The following ABHD1 variants were observed in gnomAD, a reference collection of about 807,000 sequenced individuals.
The protein encoded by ABHD1 is protein ABHD1.
Under a neutral mutation model 41.4 loss-of-function variants are expected in ABHD1, and 47 were observed. That is an observed-to-expected ratio of 1.13 (90% CI 0.90 to 1.45). The LOEUF (loss-of-function observed/expected upper bound fraction) is 1.45, where lower values mean the gene tolerates loss of function less well. ABHD1 is among the 40% of genes most tolerant of loss of function. The probability of loss-of-function intolerance (pLI) is 0.00; values close to 1 mark genes in which losing one functional copy is unlikely to be tolerated. For missense variants in ABHD1, 550 were observed against 503.4 expected (o/e 1.09, Z -0.89); for synonymous variants, 205 against 203.7 (o/e 1.01, Z -0.05).
intron 1 of ABHD1, among the ~76,000 whole-genome samples, chr2:27,127,612 A>G (rs2148411271): frequency 6.8e-6 from 1 of 146,062 alleles, no homozygotes; most frequent in South Asian, 2.3e-4. Context: ...ACCAGGCTGG[A>G]GTGCAGTGGC....
chr2:27,130,772 ACT>A lies in ABHD1; in HGVS notation c.*31_*32del. 1 of 1,601,236 alleles carries A rather than the reference ACT, an allele frequency of 6.2e-7. No homozygotes were observed. Among genetic ancestry groups the A allele is most frequent in the Non-Finnish European group, 8.6e-7 (1 of 1,169,102 alleles). On this transcript the variant is annotated 3_prime_UTR_variant, in exon 9 of 9. Coordinates refer to ENST00000316470, the MANE Select transcript of ABHD1 (RefSeq NM_032604.4). ...AGAGTACCATTTGGGGTCTCAGTTC[ACT>A]CTTTCCTTGTTTATTAAATATCAAC...
In ABHD1 at chr2:27,129,342, G is replaced by A. The variant is rs1453214760; in HGVS notation, c.485G>A (p.Cys162Tyr). 1 of 1,614,194 alleles carries A rather than the reference G, an allele frequency of 6.2e-7. No homozygotes were observed. The highest frequency in any genetic ancestry group is 1.1e-5 in the South Asian group (1 of 91,080). Residue 162 changes from cysteine (C) to tyrosine (Y), a missense_variant, in exon 4 of 9, where the codon TGC becomes TAC. Cys to Tyr is a radical substitution (Grantham distance 194). Transcript: ENST00000316470. ...GCTGTCGTGTTTAACAACCGGGGCT[G>A]CCGTGGGGAGGAACTGCGGGTGAGT... Reference protein sequence around the residue: ...YQAVVFNNRGCRGEELRTHRA... With the variant: ...YQAVVFNNRGYRGEELRTHRA...
intron 1 of ABHD1, among the ~76,000 whole-genome samples, chr2:27,127,922 C>T (rs1340804223): frequency 6.6e-6 from 1 of 152,148 alleles, no homozygotes; most frequent in Non-Finnish European, 1.5e-5. Flanking sequence ...TCTTCAGCCC[C>T]TGCCCAGAAC....
Position 27,130,235 on chromosome 2 carries a change from A to G in ABHD1, c.841-16A>G, listed in dbSNP as rs756182874. On this transcript the variant is annotated splice_polypyrimidine_tract_variant and intron_variant, in intron 7 of 8. Coordinates refer to ENST00000316470, the MANE Select transcript of ABHD1 (RefSeq NM_032604.4). ...ATTCTTTATCATCTTAGCCTATCCT[A>G]TGGTAAGACCTGCAGGCCCGTACAA... 66 of 1,614,166 alleles carry G rather than the reference A, an allele frequency of 4.1e-5. No homozygotes were observed. Among genetic ancestry groups the G allele is most frequent in the Non-Finnish European group, 5.4e-5 (64 of 1,180,034 alleles).
chr2:27,128,017 T>G (rs954074839), intron 1 of ABHD1, among the ~76,000 whole-genome samples: 1 of 152,066 alleles, frequency 6.6e-6, no homozygotes, highest in African/African-American at 2.4e-5. Flanking sequence ...GGTGCTATCA[T>G]AGCTCACTGC....
intron 1 of ABHD1, among the ~76,000 whole-genome samples, chr2:27,127,546 T>G (rs1260017763): frequency 2.5e-5 from 2 of 78,926 alleles, no homozygotes; most frequent in African/African-American, 1.1e-4. Context: ...AGAGCGAGAC[T>G]CTGTCTCAAA....
In ABHD1 at chr2:27,129,200, T is replaced by C. The variant is rs946127954; in HGVS notation, c.458+73T>C. 5.0e-6 allele frequency: 8 copies of C among 1,591,802 alleles called. No individual in the cohort carries two copies. The South Asian group carries it at 5.6e-5, about 11-fold the overall frequency. ...ATTAGGGAGAAGTCAATCCGGACAC[T>C]GATAGATAAGAAGAATGCTACACAA... On this transcript the variant is annotated intron_variant, in intron 3 of 8. Coordinates refer to ENST00000316470, the MANE Select transcript of ABHD1 (RefSeq NM_032604.4).
chr2:27,130,632 A>G lies in ABHD1; in HGVS notation c.1106A>G (p.Gln369Arg). Residue 369 changes from glutamine (Q) to arginine (R), a missense_variant, in exon 9 of 9, where the codon CAG (glutamine) becomes CGG (arginine). Coordinates refer to ENST00000316470, the MANE Select transcript of ABHD1 (RefSeq NM_032604.4). Reference sequence around the variant, plus strand: ...TTCCTGGAAGGGCTGCTCCCGTGGCAGCACTGGTACATGAGCCGCCTCTTG... The same window carrying G: ...TTCCTGGAAGGGCTGCTCCCGTGGCGGCACTGGTACATGAGCCGCCTCTTG... The part of the protein sequence containing the change: ...IGFLEGLLPW[Q>R]HWYMSRLLHQ... 1 of 1,614,186 alleles carries G rather than the reference A, an allele frequency of 6.2e-7. No homozygotes were observed. Among genetic ancestry groups the G allele is most frequent in the Non-Finnish European group, 8.5e-7 (1 of 1,180,024 alleles).
In ABHD1 at chr2:27,129,926, C is replaced by G. The variant is rs141714250; in HGVS notation, c.790C>G (p.Arg264Gly). The G allele has an allele frequency of 6.2e-7, 1 of 1,613,930 alleles. No individual in the cohort carries two copies. The highest frequency in any genetic ancestry group is 8.5e-7 in the Non-Finnish European group (1 of 1,179,994). The change falls in exon 6 of 9, where the codon CGA becomes GGA. Residue 264 changes from arginine to glycine, a missense_variant and splice_region_variant. Transcript: ENST00000316470. The part of the protein sequence containing the change: ...LTAGLCQLVE[R>G]NRKVIEKVVD... ...TGCTGGGCTCTGCCAACTTGTGGAACGGTAGGGTCGTGGCAAGTGGGAGGA... is the reference window on the plus strand; with the variant it reads ...TGCTGGGCTCTGCCAACTTGTGGAAGGGTAGGGTCGTGGCAAGTGGGAGGA...
intron 1 of ABHD1, among the ~76,000 whole-genome samples, chr2:27,127,865 C>A (rs2148411612): frequency 6.6e-6 from 1 of 152,204 alleles, no homozygotes; most frequent in Non-Finnish European, 1.5e-5. Context: ...CGGCCGGCTT[C>A]ATTTTCAACT....
At chr2:27,129,173 G>C (rs1283707676) in intron 3 of ABHD1, 46 bp downstream of exon 3, 2 of 1,599,720 alleles carry the variant, frequency 1.3e-6, no homozygotes, top group South Asian at 2.2e-5. Flanking sequence ...CTGAGAACGT[G>C]TATTAGGGAG....
At position 27,130,300 on chromosome 2, in the gene ABHD1, G is replaced by A; in HGVS notation, c.890G>A (p.Gly297Glu). The stretch of plus-strand genomic sequence containing the variant: ...GAGCGCTACACATCTGTGGCCTTTG[G>A]ATATCAAGACTGTGTTACCTACTAC... ...FDERYTSVAF[G>E]YQDCVTYYKA... Residue 297 changes from glycine (G) to glutamate (E), a missense_variant, in exon 8 of 9, where the codon GGA (glycine) becomes GAA (glutamate). Coordinates refer to ENST00000316470, the MANE Select transcript of ABHD1 (RefSeq NM_032604.4). 1 of 1,614,104 alleles carries A rather than the reference G, an allele frequency of 6.2e-7. No homozygotes were observed. Among genetic ancestry groups the A allele is most frequent in the Non-Finnish European group, 8.5e-7 (1 of 1,180,018 alleles).
At chr2:27,124,263 T>C in intron 1 of ABHD1, 1 of 675,426 alleles carries the variant, frequency 1.5e-6, no homozygotes, top group Non-Finnish European at 2.7e-6. Context: ...GCCTTTTGGG[T>C]ACCGGAGGGT....
Position 27,130,102 on chromosome 2 carries a change from C to T in ABHD1, c.792-3C>T, listed in dbSNP as rs550539325. On this transcript the variant is annotated splice_polypyrimidine_tract_variant and splice_region_variant and intron_variant, in intron 6 of 8. Transcript: ENST00000316470. ...CAAGCCAAACTCTTATGTACTTTTG[C>T]AGAAACAGAAAGGTGATTGAAAAGG... The T allele has an allele frequency of 2.4e-4, 387 of 1,614,182 alleles. 3 individuals carry two copies. The South Asian group carries it at 3.5e-3, about 15-fold the overall frequency.
rs745731118 is a variant in ABHD1, at chr2:27,123,980, G to C, written c.32G>C (p.Gly11Ala). MLSSFLSPQN[G>A]TWADTFSLLL... ...AGCTCCTTCCTGAGCCCCCAGAATG[G>C]CACCTGGGCAGACACCTTCTCTCTG... The change falls in exon 1 of 9, where the codon GGC becomes GCC. Residue 11 changes from glycine to alanine, a missense_variant. Transcript: ENST00000316470. The C allele has an allele frequency of 6.2e-7, 1 of 1,614,250 alleles. No homozygotes were observed. Among genetic ancestry groups the C allele is most frequent in the South Asian group, 1.1e-5 (1 of 91,090 alleles).
rs750839662 is a variant in ABHD1 at position 27,128,988 on chromosome 2, T to A, written c.319T>A (p.Trp107Arg). Residue 107 changes from tryptophan to arginine, a missense_variant, in exon 3 of 9, where the codon TGG becomes AGG. By Grantham distance (101) the Trp-to-Arg change is moderately radical. Transcript: ENST00000316470. Reference sequence around the variant, plus strand: ...AGATGGAGGCCAGCTCCTGCTAGACTGGGCCAAGCAGCCTGACAGCAGCCA... The same window carrying A: ...AGATGGAGGCCAGCTCCTGCTAGACAGGGCCAAGCAGCCTGACAGCAGCCA... ...TPDGGQLLLD[W>R]AKQPDSSQDP... The A allele has an allele frequency of 1.9e-6, 3 of 1,614,080 alleles. No homozygotes were observed. In the South Asian group the frequency reaches 3.3e-5, roughly 18 times the overall value.
chr2:27,129,113 G>A lies in ABHD1; in HGVS notation c.444G>A (p.Leu148=). The change falls in exon 3 of 9, where the codon CTG becomes CTA. Residue 148 remains leucine (L), a synonymous_variant. Coordinates refer to ENST00000316470, the MANE Select transcript of ABHD1 (RefSeq NM_032604.4). The part of the protein sequence containing the change: ...TYVLHLVNQA[L]RDGYQAVVFN... ...TCTTGCACCTAGTTAACCAAGCTCT[G>A]AGGGATGGCTACCAGTAAGGATGGG... The A allele has an allele frequency of 6.2e-7, 1 of 1,613,104 alleles. No homozygotes were observed. The highest frequency in any genetic ancestry group is 8.5e-7 in the Non-Finnish European group (1 of 1,179,816).
At position 27,129,840 on chromosome 2, in the gene ABHD1, T is replaced by G. The variant is rs766684467; in HGVS notation, c.704T>G (p.Phe235Cys). 1.2e-6 allele frequency: 2 copies of G among 1,614,206 alleles called. No individual in the cohort carries two copies. Among genetic ancestry groups the G allele is most frequent in the Non-Finnish European group, 1.7e-6 (2 of 1,180,050 alleles). ...ALTLSACWDS[F>C]ETTRSLETPL... Reference sequence around the variant, plus strand: ...ACTCTGTCTGCATGCTGGGATTCCTTTGAGACCACTCGCTCCCTGGAAACC... The same window carrying G: ...ACTCTGTCTGCATGCTGGGATTCCTGTGAGACCACTCGCTCCCTGGAAACC... Residue 235 changes from phenylalanine to cysteine, a missense_variant, in exon 6 of 9, where the codon TTT becomes TGT. Physicochemically the swap from Phe to Cys is radical, Grantham distance 205 (BLOSUM62 -2). Transcript: ENST00000316470.
intron 1 of ABHD1, chr2:27,125,057 C>T (rs1671904698): frequency 6.6e-6 from 1 of 151,846 alleles, no homozygotes; most frequent in Non-Finnish European, 1.5e-5. Flanking sequence ...AGGAGAATCA[C>T]TTGAACCTGG....
Sources: gnomAD v4.1 joint callset for allele counts (sites outside exome capture counted in the v4.1 genomes callset) on GRCh38, gnomAD v4.1.1 for gene constraint, MANE v1.5 for transcripts, NCBI Gene and HGNC (gene_info 2026-07-23, HGNC 2026-07-21) for gene names.